The following RCAN3 variants were observed in gnomAD, a reference collection of about 807,000 sequenced individuals.
RCAN3 encodes the protein calcipressin-3.
In RCAN3, 19 loss-of-function variants were observed where a neutral mutation model predicts 21.9. The observed-to-expected ratio is 0.87, with a 90% CI of 0.61 to 1.27. The LOEUF (loss-of-function observed/expected upper bound fraction) is 1.27. RCAN3 is among the 50% of genes most tolerant of loss of function. The pLI, the probability that RCAN3 is intolerant of heterozygous loss-of-function variation, is 0.00. For synonymous variants in RCAN3, 114 were observed against 112.3 expected, an observed-to-expected ratio of 1.01 and a Z score of -0.09; for missense variants, 240 against 300.1, an observed-to-expected ratio of 0.80 and a Z score of 1.48.
rs1463012216 is a variant in RCAN3 at position 24,539,420 on chromosome 1, C to T, written c.*4143C>T. On this transcript the variant is annotated 3_prime_UTR_variant, in exon 5 of 5. Transcript: ENST00000374395. ...CTGGAATCTGCCTAAATAATTTTAT[C>T]TTGGTAGCCAGCAATTATGTTGGTA... 1.3e-5 allele frequency: 2 copies of T among 152,190 alleles called. No homozygotes were observed. Among genetic ancestry groups the T allele is most frequent in the Non-Finnish European group, 2.9e-5 (2 of 68,028 alleles). 9.4% of individuals were successfully genotyped at this position (152,190 alleles called of 1,614,324 possible). A position where few individuals can be genotyped will look rare whatever the true frequency, so the allele number is the denominator to read the frequency against.
rs925265146 is a variant in RCAN3, at chr1:24,540,285, A to G, written c.*5008A>G. 3 of 152,566 alleles carry G rather than the reference A, an allele frequency of 2.0e-5. No homozygotes were observed. The highest frequency in any genetic ancestry group is 2.0e-4 in the Admixed American group (3 of 15,268). The allele number at this position is 152,566 out of a possible 1,614,324, so 9.5% of individuals were successfully genotyped here. A position where few individuals can be genotyped will look rare whatever the true frequency, so the allele number is the denominator to read the frequency against. ...AACCTGGGGCTGAGTCAGCGTCTCTACCCACTTAAATAACAGCGTAAAGAT... is the reference window on the plus strand; with the variant it reads ...AACCTGGGGCTGAGTCAGCGTCTCTGCCCACTTAAATAACAGCGTAAAGAT... On this transcript the variant is annotated 3_prime_UTR_variant, in exon 5 of 5. Coordinates refer to ENST00000374395, the MANE Select transcript of RCAN3 (RefSeq NM_013441.4).
intron 2 of RCAN3, among the ~76,000 whole-genome samples, chr1:24,526,443 G>A (rs1171811965): frequency 7.2e-5 from 11 of 151,936 alleles, no homozygotes; most frequent in Admixed American, 7.2e-4. Context: ...ACCCATTGCT[G>A]TCATCTGCAT....
intron 1 of RCAN3, among the ~76,000 whole-genome samples, chr1:24,504,714 T>G (rs1433835750): frequency 2.0e-5 from 3 of 152,136 alleles, no homozygotes; most frequent in African/African-American, 7.2e-5. Flanking sequence ...TTCAACACCG[T>G]TTGTTACTTA....
At chr1:24,530,923 T>C (rs1450918235) in intron 2 of RCAN3, among the ~76,000 whole-genome samples, 1 of 151,956 alleles carries the variant, frequency 6.6e-6, no homozygotes, top group Non-Finnish European at 1.5e-5. Flanking sequence ...GGCAGGAAAA[T>C]CACTTGAATC....
intron 3 of RCAN3, 28 bp from the exon 4 acceptor site, chr1:24,533,055 C>T (rs756027986): frequency 7.7e-7 from 1 of 1,296,536 alleles, no homozygotes; most frequent in Non-Finnish European, 9.9e-7. Flanking sequence ...GGTTTGCAAA[C>T]TGGCTTTGAG....
At chr1:24,524,348 G>T (rs72884419) in intron 2 of RCAN3, among the ~76,000 whole-genome samples, 2,254 of 152,200 alleles carry the variant, frequency 0.015, 60 homozygotes, top group African/African-American at 0.05. Context: ...TCAGTTACAG[G>T]TTTCTTTCTG....
intron 1 of RCAN3, among the ~76,000 whole-genome samples, chr1:24,504,966 A>T (rs1647312733): frequency 6.6e-6 from 1 of 152,214 alleles, no homozygotes; most frequent in South Asian, 2.1e-4. Flanking sequence ...TTCAATTATA[A>T]CAGGACCAAT....
At chr1:24,512,250 G>T (rs1459789129) in intron 1 of RCAN3, among the ~76,000 whole-genome samples, 1 of 151,998 alleles carries the variant, frequency 6.6e-6, no homozygotes, top group African/African-American at 2.4e-5. Flanking sequence ...TTGGGGGGCT[G>T]AGGCAGGAGA....
intron 1 of RCAN3, among the ~76,000 whole-genome samples, chr1:24,505,248 T>C (rs1647349718): frequency 7.1e-6 from 1 of 139,924 alleles, no homozygotes; most frequent in Non-Finnish European, 1.6e-5. Flanking sequence ...TTTTTTTTTT[T>C]TTTTTCTTTT....
Position 24,540,473 on chromosome 1 carries a change from T to G in RCAN3, c.*5196T>G, listed in dbSNP as rs1650436871. The stretch of plus-strand genomic sequence containing the variant: ...TCTATCTATGCAGATAATACATGTT[T>G]TTAAATACTGTTTTCTGTTTAGTCC... On this transcript the variant is annotated 3_prime_UTR_variant, in exon 5 of 5. Coordinates refer to ENST00000374395, the MANE Select transcript of RCAN3 (RefSeq NM_013441.4). 6.6e-6 allele frequency: 1 copy of G among 152,202 alleles called. No individual in the cohort carries two copies. The highest frequency in any genetic ancestry group is 6.5e-5 in the Admixed American group (1 of 15,280). The allele number at this position is 152,202 out of a possible 1,614,324, so 9.4% of individuals were successfully genotyped here.
chr1:24,509,130 G>A (rs1203607083), intron 1 of RCAN3, among the ~76,000 whole-genome samples: 1 of 152,170 alleles, frequency 6.6e-6, no homozygotes, highest in East Asian at 1.9e-4. Context: ...CACTGCACTA[G>A]AGTCTGGGCA....
intron 2 of RCAN3, among the ~76,000 whole-genome samples, chr1:24,523,153 T>A (rs1648954432): frequency 6.6e-6 from 1 of 151,402 alleles, no homozygotes; most frequent in Admixed American, 6.6e-5. Context: ...AACCTTCACC[T>A]CCCGGGTTCA....
In RCAN3 at chr1:24,505,225, CTTTTTTCTTTTTTTT is replaced by C. The variant is rs1647339315; in HGVS notation, c.-60+2082_-60+2096del. On this transcript the variant is annotated intron_variant, in intron 1 of 4. Coordinates refer to ENST00000374395, the MANE Select transcript of RCAN3 (RefSeq NM_013441.4). ...GTTGTTGCTTTGTTTTTTTTTTTCT[CTTTTTTCTTTTTTTT>C]TTTTTTTTTTTTTCTTTTTTTTGAG... Among the ~76,000 whole-genome samples the C allele has an allele frequency of 8.2e-5, 9 of 109,556 alleles. No individual in the cohort carries two copies. In the South Asian group the frequency reaches 1.8e-3, roughly 22 times the overall value. The allele number at this position is 109,556 out of a possible 152,430, so 71.9% of individuals were successfully genotyped here.
intron 2 of RCAN3, among the ~76,000 whole-genome samples, chr1:24,530,404 A>G (rs28625407): frequency 6.6e-6 from 1 of 150,516 alleles, no homozygotes; most frequent in Non-Finnish European, 1.5e-5. Context: ...ACAGCAAGGG[A>G]GAACCTCAGG....
chr1:24,528,346 A>C (rs1649448361), intron 2 of RCAN3, among the ~76,000 whole-genome samples: 1 of 152,190 alleles, frequency 6.6e-6, no homozygotes, highest in Non-Finnish European at 1.5e-5. Context: ...CCAAAATATC[A>C]GTAATCAACA....
intron 2 of RCAN3, among the ~76,000 whole-genome samples, chr1:24,519,538 T>C: frequency 6.6e-6 from 1 of 152,208 alleles, no homozygotes; most frequent in South Asian, 2.1e-4. Context: ...AGAAATGCAG[T>C]AGAATCTAGT....
At chr1:24,533,348 G>A in intron 4 of RCAN3, 94 bp downstream of exon 4, 1 of 1,057,018 alleles carries the variant, frequency 9.5e-7, no homozygotes, top group Non-Finnish European at 1.3e-6. Flanking sequence ...TATGATTAGA[G>A]CAGAGGATAA....
intron 4 of RCAN3, among the ~76,000 whole-genome samples, chr1:24,533,502 A>G (rs1193781948): frequency 6.6e-6 from 1 of 152,202 alleles, no homozygotes; most frequent in Non-Finnish European, 1.5e-5. Flanking sequence ...CAGTGTGGTT[A>G]TAAGTACTAA....
At chr1:24,503,530 T>C (rs994357834) in intron 1 of RCAN3, among the ~76,000 whole-genome samples, 2 of 152,212 alleles carry the variant, frequency 1.3e-5, no homozygotes, top group Non-Finnish European at 2.9e-5. Flanking sequence ...GGAAGCCCCC[T>C]GTCTTTCTCC....
Sources: allele counts gnomAD v4.1 joint callset (sites outside exome capture counted in the v4.1 genomes callset), GRCh38; gene constraint gnomAD v4.1.1; transcripts MANE v1.5; gene names NCBI Gene and HGNC (gene_info 2026-07-23, HGNC 2026-07-21).